ARHGAP4: variants seen among roughly 807,000 people sequenced by gnomAD.
ARHGAP4 encodes the protein rho GTPase-activating protein 4.
In ARHGAP4, 25 loss-of-function variants were observed where a neutral mutation model predicts 67.6. The observed-to-expected ratio is 0.37, with a 90% CI of 0.27 to 0.52. The LOEUF is 0.52. Ranked by LOEUF, ARHGAP4 falls within the 20% of genes least tolerant of loss-of-function variation. The pLI is 0.92. For missense variants in ARHGAP4, 804 were observed against 854.6 expected (o/e 0.94, Z 0.74); for synonymous variants, 448 against 373.7 (o/e 1.20, Z -2.29).
At chrX:153,909,580 A>G (rs1415706804) in intron 19 of ARHGAP4, 45 bp from the exon 20 acceptor site, 2 of 1,094,660 alleles carry the variant, frequency 1.8e-6, no homozygotes, top group Non-Finnish European at 2.4e-6. Context: ...CCTTCCCTGC[A>G]CGGGGTCCAG....
intron 1 of ARHGAP4, among the ~76,000 whole-genome samples, chrX:153,922,672 A>C (rs2065103906): frequency 8.9e-6 from 1 of 112,386 alleles, no homozygotes; most frequent in South Asian, 3.6e-4. Flanking sequence ...CGAGTAAATA[A>C]GATGCTAGCT....
At chrX:153,919,695 G>A in intron 5 of ARHGAP4, 1 of 1,148,807 alleles carries the variant, frequency 8.7e-7, no homozygotes, top group Non-Finnish European at 1.2e-6. Context: ...AGCTGAGGGG[G>A]AACGAGTACC....
chrX:153,914,151 G>A (rs1403947463), intron 7 of ARHGAP4: 11 of 373,474 alleles, frequency 2.9e-5, no homozygotes, highest in South Asian at 2.1e-4. Flanking sequence ...ATTCAGCCAC[G>A]AGAAGGAATG....
chrX:153,919,406 C>T (rs980784887), intron 5 of ARHGAP4, 123 bp from the exon 6 acceptor site: 15 of 1,161,775 alleles, frequency 1.3e-5, no homozygotes, highest in Non-Finnish European at 1.7e-5. Flanking sequence ...CTGGTCAAGC[C>T]CAGAAGTCCT....
Position 153,909,843 on chromosome X carries a change from TC to T in ARHGAP4, c.2311del (p.Asp771ThrfsTer169). 1 of 1,198,881 alleles carries T rather than the reference TC, an allele frequency of 8.3e-7. No homozygotes were observed. The highest frequency in any genetic ancestry group is 1.1e-6 in the Non-Finnish European group (1 of 890,095). On this transcript the variant is annotated frameshift_variant, in exon 19 of 22. Coordinates refer to ENST00000350060, the MANE Select transcript of ARHGAP4 (RefSeq NM_001666.5). LOFTEE classifies it high-confidence loss of function. ...TAQELSFRRG[D>X]VLRLHERASS... The stretch of plus-strand genomic sequence containing the variant: ...GGCCCTCTCGTGCAGCCGCAGTACG[TC>T]CCCCCGCCGGAAGCTCAGCTCCTGG...
In ARHGAP4 at chrX:153,909,742, C is replaced by G. The variant is rs200880463; in HGVS notation, c.2413G>C (p.Gly805Arg). 1.7e-6 allele frequency: 2 copies of G among 1,184,922 alleles called. No homozygotes were observed. Among genetic ancestry groups the G allele is most frequent in the South Asian group, 1.9e-5 (1 of 52,624 alleles). The change falls in exon 19 of 22, where the codon GGG becomes CGG. Residue 805 changes from glycine to arginine, a missense_variant and splice_region_variant. Coordinates refer to ENST00000350060, the MANE Select transcript of ARHGAP4 (RefSeq NM_001666.5). ...GGCCTGAGGGCGCGGCTCACTCACCCGGCGGGCAGCGTGATATACTTGTGG... is the reference window on the plus strand; with the variant it reads ...GGCCTGAGGGCGCGGCTCACTCACCGGGCGGGCAGCGTGATATACTTGTGG... ...IPHKYITLPA[G>R]TEKQVVGAGL...
intron 15 of ARHGAP4, 40 bp downstream of exon 15, chrX:153,910,660 G>C (rs781791559): frequency 8.4e-7 from 1 of 1,183,993 alleles, no homozygotes; most frequent in Non-Finnish European, 1.1e-6. Context: ...GGCTGCCCCA[G>C]CAAGTGCCCT....
At chrX:153,919,556 T>C in intron 5 of ARHGAP4, 1 of 1,153,237 alleles carries the variant, frequency 8.7e-7, no homozygotes, top group Non-Finnish European at 1.2e-6. Flanking sequence ...CACAGAACTA[T>C]TCACAGATAC....
At position 153,907,842 on chromosome X, in the gene ARHGAP4, G is replaced by A. The variant is rs782652370; in HGVS notation, c.2728C>T (p.Pro910Ser). Reference sequence around the variant, plus strand: ...TTCCTGCCCAGGCGGCTGCTGGGCGGGGCCTTTGGGCTTCGGGGCCCAGGA... The same window carrying A: ...TTCCTGCCCAGGCGGCTGCTGGGCGAGGCCTTTGGGCTTCGGGGCCCAGGA... ...PSPGPRSPKA[P>S]PSSRLGRNKG... is the part of the protein sequence containing the mutation. The change falls in exon 22 of 22, where the codon CCG (proline) becomes TCG (serine). Residue 910 changes from proline to serine, a missense_variant. By Grantham distance (74) the Pro-to-Ser change is moderately conservative. This residue lies in a region of ARHGAP4 where 400 missense variants were observed against 348.7 expected (regional missense o/e 1.15). Transcript: ENST00000350060. 1 of 1,014,311 alleles carries A rather than the reference G, an allele frequency of 9.9e-7. No homozygotes were observed. Among genetic ancestry groups the A allele is most frequent in the East Asian group, 3.7e-5 (1 of 27,148 alleles). 83.6% of individuals were successfully genotyped at this position (1,014,311 alleles called of 1,213,427 possible).
At chrX:153,925,919 A>G (rs1191099391) in intron 1 of ARHGAP4, among the ~76,000 whole-genome samples, 4 of 112,995 alleles carry the variant, frequency 3.5e-5, no homozygotes, top group Non-Finnish European at 7.5e-5. Context: ...AGACCAAAGG[A>G]AGGAAGACAG....
rs1053389626 is a variant in ARHGAP4 at position 153,921,948 on chromosome X, G to A, written c.68-139C>T. 4 of 865,965 alleles carry A rather than the reference G, an allele frequency of 4.6e-6. No individual in the cohort carries two copies. In the African/African-American group the frequency reaches 8.1e-5, roughly 18 times the overall value. The allele number at this position is 865,965 out of a possible 1,213,427, so 71.4% of individuals were successfully genotyped here. A position where few individuals can be genotyped will look rare whatever the true frequency, so the allele number is the denominator to read the frequency against. Reference sequence around the variant, plus strand: ...GGCTCCTTCGGACCCAGCCTAGGCTGAGGGCAAGAGCTAAGAGGGGAGGAA... The same window carrying A: ...GGCTCCTTCGGACCCAGCCTAGGCTAAGGGCAAGAGCTAAGAGGGGAGGAA... On this transcript the variant is annotated intron_variant, in intron 1 of 21. Coordinates refer to ENST00000350060, the MANE Select transcript of ARHGAP4 (RefSeq NM_001666.5).
chrX:153,925,561 T>C (rs1043185070), intron 1 of ARHGAP4, among the ~76,000 whole-genome samples: 1 of 112,869 alleles, frequency 8.9e-6, no homozygotes, highest in Non-Finnish European at 1.9e-5. Context: ...AGAGGTTCAA[T>C]TTCAGAAGGC....
At chrX:153,910,633 G>A (rs781929764) in intron 15 of ARHGAP4, 22 bp from the exon 16 acceptor site, 1 of 1,192,955 alleles carries the variant, frequency 8.4e-7, no homozygotes, top group Non-Finnish European at 1.1e-6. Context: ...GCCGCCCAGA[G>A]AGAGCCGCGT....
chrX:153,912,017 G>T (rs782621703), intron 12 of ARHGAP4, among the ~76,000 whole-genome samples: 3 of 111,438 alleles, frequency 2.7e-5, no homozygotes, highest in Non-Finnish European at 3.8e-5. Context: ...TGAAAATGAC[G>T]ATATCAGTTC....
intron 15 of ARHGAP4, 38 bp from the exon 16 acceptor site, chrX:153,910,649 G>A: frequency 5.9e-6 from 7 of 1,186,443 alleles, no homozygotes; most frequent in Non-Finnish European, 7.9e-6. Flanking sequence ...CGCGTGAGCG[G>A]GGCTGCCCCA....
In ARHGAP4 at chrX:153,910,341, G is replaced by A; in HGVS notation, c.1986C>T (p.Pro662=). 1 of 1,208,308 alleles carries A rather than the reference G, an allele frequency of 8.3e-7. No homozygotes were observed. The highest frequency in any genetic ancestry group is 1.1e-6 in the Non-Finnish European group (1 of 893,878). Residue 662 remains proline, a synonymous_variant, in exon 17 of 22, where the codon CCC becomes CCT. Transcript: ENST00000350060. ...GCCCAGCGGGCACCGGTAGCAGCGT[G>A]GGCCCGAAGCACACGGCCAGGTTGT... ...DPYNLAVCFG[P]TLLPVPAGQD...
At chrX:153,911,252 CTTTTTTTTTT>C in intron 12 of ARHGAP4, 63 bp from the exon 13 acceptor site, 2 of 423,861 alleles carry the variant, frequency 4.7e-6, no homozygotes, top group East Asian at 5.1e-5. Flanking sequence ...CATTCAATTG[CTTTTTTTTTT>C]TTTTTTTTTT....
chrX:153,921,911 G>A (rs782637843), intron 1 of ARHGAP4, 102 bp from the exon 2 acceptor site: 29 of 994,543 alleles, frequency 2.9e-5, no homozygotes, highest in South Asian at 2.5e-4. Context: ...CCCCAGTCCC[G>A]TCGGCTCTGA....
chrX:153,908,843 C>A (rs1267461275), intron 21 of ARHGAP4, among the ~76,000 whole-genome samples: 2 of 112,245 alleles, frequency 1.8e-5, no homozygotes, highest in African/African-American at 6.5e-5. Flanking sequence ...TCCCTCTCAT[C>A]CCTGCCTCCG....
Sources: gnomAD v4.1 joint callset for allele counts (sites outside exome capture counted in the v4.1 genomes callset) on GRCh38, gnomAD v4.1.1 for gene constraint, gnomAD v4.1.1 regional missense constraint, MANE v1.5 for transcripts, NCBI Gene and HGNC (gene_info 2026-07-23, HGNC 2026-07-21) for gene names.